Variants in LRMDA observed in about 807,000 individuals in gnomAD.
LRMDA encodes the protein leucine-rich melanocyte differentiation-associated protein.
LRMDA carries 18 observed loss-of-function variants against 29.8 expected under a neutral mutation model. That is an observed-to-expected ratio of 0.60 (90% CI 0.42 to 0.90). LRMDA has a LOEUF of 0.90. Among genes scored for constraint, LRMDA ranks in the 40% least tolerant of loss-of-function variants. The probability of loss-of-function intolerance (pLI) is 0.00; values close to 1 mark genes in which losing one functional copy is unlikely to be tolerated. For synonymous variants in LRMDA, 125 were observed against 109.4 expected (o/e 1.14, Z -0.89); for missense variants, 273 against 273.9 (o/e 1.00, Z 0.02).
intron 2 of LRMDA, among the ~76,000 whole-genome samples, chr10:75,590,630 T>C (rs1840710757): frequency 6.6e-6 from 1 of 151,854 alleles, no homozygotes; most frequent in Non-Finnish European, 1.5e-5. Flanking sequence ...CCTTGGAAGT[T>C]GGTAGCTATT....
intron 2 of LRMDA, among the ~76,000 whole-genome samples, chr10:75,754,945 G>T (rs1453890836): frequency 6.6e-6 from 1 of 151,510 alleles, no homozygotes; most frequent in South Asian, 2.1e-4. Flanking sequence ...ACAGTCTTGT[G>T]TATCTATAGG....
At chr10:76,153,905 T>C (rs1442338686) in intron 5 of LRMDA, among the ~76,000 whole-genome samples, 1 of 152,234 alleles carries the variant, frequency 6.6e-6, no homozygotes, top group African/African-American at 2.4e-5. Context: ...ATCTTAACTT[T>C]TGTGCCTGCT....
At chr10:76,091,652 T>C (rs1849233665) in intron 5 of LRMDA, among the ~76,000 whole-genome samples, 1 of 152,018 alleles carries the variant, frequency 6.6e-6, no homozygotes, top group Non-Finnish European at 1.5e-5. Flanking sequence ...CTCCCTGCCA[T>C]GCATCCCCCT....
At chr10:75,938,933 G>A (rs7092202) in intron 2 of LRMDA, among the ~76,000 whole-genome samples, 85 of 152,270 alleles carry the variant, frequency 5.6e-4, no homozygotes, top group East Asian at 1.4e-3. Context: ...GATCCTCTCC[G>A]TGCCCAGAGG....
chr10:76,503,714 G>A (rs1842933516), intron 6 of LRMDA, among the ~76,000 whole-genome samples: 1 of 150,778 alleles, frequency 6.6e-6, no homozygotes, highest in South Asian at 2.1e-4. Context: ...TAGATCTTCT[G>A]GGTTTTTTTC....
chr10:76,360,186 C>G (rs1841294596), intron 6 of LRMDA, among the ~76,000 whole-genome samples: 1 of 151,952 alleles, frequency 6.6e-6, no homozygotes, highest in Non-Finnish European at 1.5e-5. Flanking sequence ...CGGGGTTTCT[C>G]CATGTTGGTC....
chr10:76,289,420 TCAA>T (rs1257416550), intron 5 of LRMDA, among the ~76,000 whole-genome samples: 1 of 152,218 alleles, frequency 6.6e-6, no homozygotes, highest in Non-Finnish European at 1.5e-5. Flanking sequence ...GTTATTTTTT[TCAA>T]CATCTCCTCC....
intron 2 of LRMDA, among the ~76,000 whole-genome samples, chr10:75,855,061 C>A (rs1159907457): frequency 2.0e-5 from 3 of 152,114 alleles, no homozygotes; most frequent in Admixed American, 6.6e-5. Context: ...AGCATGATTT[C>A]TAATCCTTTG....
At chr10:76,521,423 C>G (rs7917297) in intron 6 of LRMDA, among the ~76,000 whole-genome samples, 47,304 of 152,142 alleles carry the variant, frequency 0.31, 7,863 homozygotes, top group Non-Finnish European at 0.36. Flanking sequence ...CGTGAGCCAC[C>G]GCGCCCAGCC....
chr10:76,238,148 A>T (rs908165880), intron 5 of LRMDA, among the ~76,000 whole-genome samples: 7 of 152,016 alleles, frequency 4.6e-5, no homozygotes, highest in African/African-American at 1.5e-4. Flanking sequence ...ATCCTCTTCC[A>T]GTTAATATTC....
chr10:76,428,092 C>A (rs529358057), intron 6 of LRMDA, among the ~76,000 whole-genome samples: 3 of 152,206 alleles, frequency 2.0e-5, no homozygotes, highest in Non-Finnish European at 1.5e-5. Flanking sequence ...CTCTGCCAGG[C>A]TTTGGACAAC....
intron 5 of LRMDA, among the ~76,000 whole-genome samples, chr10:76,145,045 GTTGATCATGGAGGATAAGCTTT>G (rs1222231926): frequency 6.6e-6 from 1 of 152,132 alleles, no homozygotes; most frequent in Non-Finnish European, 1.5e-5. Flanking sequence ...ATGAAGCCCA[GTTGATCATGGAGGATAAGCTTT>G]TTGATGTGCT....
intron 6 of LRMDA, among the ~76,000 whole-genome samples, chr10:76,504,416 G>C (rs932894856): frequency 6.6e-6 from 1 of 151,938 alleles, no homozygotes; most frequent in African/African-American, 2.4e-5. Flanking sequence ...TGTCAGTAAA[G>C]TCTGTCAGTG....
intron 2 of LRMDA, among the ~76,000 whole-genome samples, chr10:75,513,944 A>G (rs545414498): frequency 1.6e-4 from 24 of 152,288 alleles, no homozygotes; most frequent in African/African-American, 4.8e-4. Context: ...TCTGCCTACA[A>G]TGGTAGGCAA....
At chr10:76,237,229 A>G (rs1410839618) in intron 5 of LRMDA, among the ~76,000 whole-genome samples, 2 of 152,210 alleles carry the variant, frequency 1.3e-5, no homozygotes, top group African/African-American at 4.8e-5. Context: ...TAAGTTCCCC[A>G]TAAACATTAC....
At chr10:76,053,954 C>T (rs1237472105) in intron 4 of LRMDA, among the ~76,000 whole-genome samples, 1 of 152,162 alleles carries the variant, frequency 6.6e-6, no homozygotes, top group African/African-American at 2.4e-5. Context: ...GGATGGGGCC[C>T]TGCCATCTGT....
At chr10:76,492,466 T>C (rs1284762700) in intron 6 of LRMDA, among the ~76,000 whole-genome samples, 1 of 152,070 alleles carries the variant, frequency 6.6e-6, no homozygotes, top group Non-Finnish European at 1.5e-5. Flanking sequence ...CTTGGTGGTC[T>C]TCAGTAAGAG....
At chr10:76,405,524 T>G (rs939222119) in intron 6 of LRMDA, among the ~76,000 whole-genome samples, 21 of 152,190 alleles carry the variant, frequency 1.4e-4, no homozygotes, top group African/African-American at 4.6e-4. Flanking sequence ...TTGTCATTAT[T>G]TTAACCCAAG....
Position 76,527,016 on chromosome 10 carries a change from AT to A in LRMDA, c.602-30192del, listed in dbSNP as rs1285324964. On this transcript the variant is annotated intron_variant, in intron 6 of 6. Coordinates refer to ENST00000611255, the MANE Select transcript of LRMDA (RefSeq NM_001305581.2). The stretch of plus-strand genomic sequence containing the variant: ...AATAAATAAATAAATAAATAAATAA[AT>A]AAATAAAAATGCCCTAAATTATCAG... Among the ~76,000 whole-genome samples, 21 of 146,136 alleles carry A rather than the reference AT, an allele frequency of 1.4e-4. No individual in the cohort carries two copies. The South Asian group carries it at 2.2e-3, about 15-fold the overall frequency.
Sources: allele counts gnomAD v4.1 joint callset (sites outside exome capture counted in the v4.1 genomes callset), GRCh38; gene constraint gnomAD v4.1.1; transcripts MANE v1.5; gene names NCBI Gene and HGNC (gene_info 2026-07-23, HGNC 2026-07-21).